DPYSL3: variants seen among roughly 807,000 people sequenced by gnomAD.
DPYSL3 encodes the protein dihydropyrimidinase-related protein 3.
In DPYSL3, 16 loss-of-function variants were observed where a neutral mutation model predicts 66.1. The observed-to-expected ratio is 0.24, with a 90% CI of 0.16 to 0.37. The LOEUF is 0.37. Among genes scored for constraint, DPYSL3 ranks in the 10% least tolerant of loss-of-function variants. The pLI is 1.00. For missense variants in DPYSL3, 738 were observed against 916.2 expected, an observed-to-expected ratio of 0.81 and a Z score of 2.51; for synonymous variants, 338 against 345.1, an observed-to-expected ratio of 0.98 and a Z score of 0.23.
intron 1 of DPYSL3, among the ~76,000 whole-genome samples, chr5:147,503,508 G>A (rs879695349): frequency 6.6e-6 from 1 of 152,056 alleles, no homozygotes; most frequent in South Asian, 2.1e-4. Flanking sequence ...GCCCAGTCTG[G>A]TCTCAAACTC....
intron 5 of DPYSL3, 112 bp from the exon 6 acceptor site, chr5:147,412,800 G>A: frequency 1.1e-6 from 1 of 899,120 alleles, no homozygotes; most frequent in African/African-American, 1.7e-5. Context: ...GAGGAAATAA[G>A]TCACTAGGGC....
intron 12 of DPYSL3, among the ~76,000 whole-genome samples, chr5:147,396,892 G>A (rs868862111): frequency 6.7e-5 from 10 of 148,662 alleles, no homozygotes; most frequent in Admixed American, 2.7e-4. Flanking sequence ...TATAGTGTGT[G>A]TATAGAAAGT....
chr5:147,491,984 T>G (rs887011938), intron 1 of DPYSL3, among the ~76,000 whole-genome samples: 1 of 152,010 alleles, frequency 6.6e-6, no homozygotes, highest in Non-Finnish European at 1.5e-5. Flanking sequence ...AAAAAAACCC[T>G]TACACATAGA....
At chr5:147,417,585 A>C (rs1394325421) in intron 3 of DPYSL3, among the ~76,000 whole-genome samples, 3 of 152,168 alleles carry the variant, frequency 2.0e-5, no homozygotes, top group Non-Finnish European at 4.4e-5. Flanking sequence ...GTGTTAAAAT[A>C]AACAGTGCTC....
chr5:147,460,461 G>A (rs573944490), intron 1 of DPYSL3, among the ~76,000 whole-genome samples: 3 of 152,182 alleles, frequency 2.0e-5, no homozygotes, highest in Admixed American at 6.5e-5. Flanking sequence ...GACCTATGAA[G>A]ATGTCACCTT....
intron 10 of DPYSL3, among the ~76,000 whole-genome samples, chr5:147,400,244 C>T (rs189739529): frequency 1.3e-5 from 2 of 152,282 alleles, no homozygotes; most frequent in South Asian, 2.1e-4. Flanking sequence ...TCACTTGTAT[C>T]GCCTGAATGA....
intron 1 of DPYSL3, among the ~76,000 whole-genome samples, chr5:147,502,313 A>C (rs1282630830): frequency 6.6e-6 from 1 of 152,114 alleles, no homozygotes; most frequent in Non-Finnish European, 1.5e-5. Context: ...AAATGATAAA[A>C]AATAATTTAA....
At chr5:147,453,710 G>T (rs1752789392) in intron 1 of DPYSL3, 3 of 1,327,728 alleles carry the variant, frequency 2.3e-6, no homozygotes, top group Non-Finnish European at 1.9e-6. Context: ...TGGCCGCGCC[G>T]CCGCCTCCGC....
intron 1 of DPYSL3, among the ~76,000 whole-genome samples, chr5:147,426,428 T>A (rs186954590): frequency 1.6e-4 from 25 of 152,178 alleles, no homozygotes; most frequent in African/African-American, 6.0e-4. Context: ...AGTTTGAGTT[T>A]GAATGAAAAT....
At chr5:147,470,060 C>T (rs1753063100) in intron 1 of DPYSL3, among the ~76,000 whole-genome samples, 1 of 152,208 alleles carries the variant, frequency 6.6e-6, no homozygotes, top group South Asian at 2.1e-4. Flanking sequence ...TGCAATGATA[C>T]TGATGAGGAG....
At chr5:147,472,737 C>T (rs950102117) in intron 1 of DPYSL3, 3 of 152,122 alleles carry the variant, frequency 2.0e-5, no homozygotes, top group South Asian at 2.1e-4. Flanking sequence ...AGGCTGATCT[C>T]GTTTGTTCAT....
intron 1 of DPYSL3, among the ~76,000 whole-genome samples, chr5:147,450,318 G>A (rs918316036): frequency 6.6e-6 from 1 of 152,158 alleles, no homozygotes; most frequent in African/African-American, 2.4e-5. Context: ...ACACTCAACA[G>A]GTATGGGCTA....
At chr5:147,483,133 T>G (rs1753273746) in intron 1 of DPYSL3, among the ~76,000 whole-genome samples, 1 of 152,052 alleles carries the variant, frequency 6.6e-6, no homozygotes, top group Admixed American at 6.6e-5. Context: ...CACATTTAAC[T>G]CAACTATAAT....
chr5:147,415,470 C>T (rs141626918), intron 4 of DPYSL3, among the ~76,000 whole-genome samples: 1 of 152,150 alleles, frequency 6.6e-6, no homozygotes, highest in East Asian at 1.9e-4. Flanking sequence ...TGATCTTGGG[C>T]TGCTTATTCT....
chr5:147,470,537 T>C (rs1255289385), intron 1 of DPYSL3, among the ~76,000 whole-genome samples: 1 of 152,092 alleles, frequency 6.6e-6, no homozygotes, highest in Non-Finnish European at 1.5e-5. Context: ...CACTTACCTG[T>C]AAGTGAGTCT....
At position 147,402,328 on chromosome 5, in the gene DPYSL3, G is replaced by C. The variant is rs184320009; in HGVS notation, c.1154-632C>G. Among the ~76,000 whole-genome samples, 67 of 148,556 alleles carry C rather than the reference G, an allele frequency of 4.5e-4. 1 individual carries two copies. Among genetic ancestry groups the C allele is most frequent in the African/African-American group, 1.7e-3 (65 of 38,884 alleles). On this transcript the variant is annotated intron_variant, in intron 8 of 13. Transcript: ENST00000343218. ...AAGTAAAATCCATTCCTGTGGATTAGAGACTCTCATGACTTTTTTTTTTTT... is the reference window on the plus strand; with the variant it reads ...AAGTAAAATCCATTCCTGTGGATTACAGACTCTCATGACTTTTTTTTTTTT...
chr5:147,504,652 C>G (rs1320042617), intron 1 of DPYSL3, among the ~76,000 whole-genome samples: 3 of 152,166 alleles, frequency 2.0e-5, no homozygotes, highest in African/African-American at 7.2e-5. Context: ...CCAGGAAAAA[C>G]AAGACAAATG....
At position 147,476,484 on chromosome 5, in the gene DPYSL3, T is replaced by G. The variant is rs572864700; in HGVS notation, c.381+32994A>C. On this transcript the variant is annotated intron_variant, in intron 1 of 13. Coordinates refer to ENST00000343218, the MANE Select transcript of DPYSL3 (RefSeq NM_001197294.2). ...AAAAATAAGCAGGAGAGCTGACACT[T>G]TGGCTGCCTTATGGGGATTTACCCA... is the stretch of plus-strand genomic sequence containing the variant. Among the ~76,000 whole-genome samples the G allele has an allele frequency of 2.0e-5, 3 of 152,262 alleles. No homozygotes were observed. The East Asian group carries it at 5.8e-4, about 29-fold the overall frequency.
chr5:147,465,961 G>A (rs1469815457), intron 1 of DPYSL3, among the ~76,000 whole-genome samples: 1 of 152,100 alleles, frequency 6.6e-6, no homozygotes, highest in African/African-American at 2.4e-5. Flanking sequence ...TGCTTCCCAG[G>A]ATACTCAGCC....
Sources: allele counts gnomAD v4.1 joint callset (sites outside exome capture counted in the v4.1 genomes callset), GRCh38; gene constraint gnomAD v4.1.1; transcripts MANE v1.5; gene names NCBI Gene and HGNC (gene_info 2026-07-23, HGNC 2026-07-21).